The following CDH18 variants were observed in gnomAD, a reference collection of about 807,000 sequenced individuals.
The protein encoded by CDH18 is cadherin 18.
In CDH18, 31 loss-of-function variants were observed where a neutral mutation model predicts 67.9. The observed-to-expected ratio is 0.46, with a 90% CI of 0.34 to 0.62. The LOEUF (loss-of-function observed/expected upper bound fraction) is 0.62, where lower values mean the gene tolerates loss of function less well. CDH18 is among the 20% of genes least tolerant of loss of function. The probability of loss-of-function intolerance (pLI) is 0.01; values close to 1 mark genes in which losing one functional copy is unlikely to be tolerated. For missense variants in CDH18, 890 were observed against 975.5 expected (o/e 0.91, Z 1.17); for synonymous variants, 362 against 347.2 (o/e 1.04, Z -0.48).
At chr5:20,002,793 G>A (rs1736556252) in intron 2 of CDH18, among the ~76,000 whole-genome samples, 1 of 152,100 alleles carries the variant, frequency 6.6e-6, no homozygotes, top group Non-Finnish European at 1.5e-5. Flanking sequence ...GGGATCTGCT[G>A]CCATCCACAA....
intron 2 of CDH18, among the ~76,000 whole-genome samples, chr5:20,116,088 C>T (rs1747885068): frequency 6.6e-6 from 1 of 152,126 alleles, no homozygotes; most frequent in South Asian, 2.1e-4. Context: ...AATGATGTGT[C>T]TGCTTTAAAC....
At chr5:19,743,264 G>T (rs1769472970) in intron 4 of CDH18, among the ~76,000 whole-genome samples, 1 of 152,102 alleles carries the variant, frequency 6.6e-6, no homozygotes, top group Non-Finnish European at 1.5e-5. Context: ...AGTCCAGTAG[G>T]GCTGGCAGAA....
chr5:19,598,733 T>C (rs529080110), intron 6 of CDH18, among the ~76,000 whole-genome samples: 2 of 152,264 alleles, frequency 1.3e-5, no homozygotes, highest in East Asian at 3.9e-4. Context: ...AATAATTATG[T>C]TTAGTATTAA....
intron 1 of CDH18, among the ~76,000 whole-genome samples, chr5:20,333,532 C>CAA (rs1189073367): frequency 2.1e-5 from 3 of 139,780 alleles, no homozygotes; most frequent in Non-Finnish European, 4.7e-5. Context: ...TATATATACA[C>CAA]ACACACACAC....
intron 2 of CDH18, among the ~76,000 whole-genome samples, chr5:20,136,868 G>T (rs190709263): frequency 3.5e-3 from 532 of 152,240 alleles, no homozygotes; most frequent in Non-Finnish European, 5.5e-3. Context: ...GGTTGGATAC[G>T]AAATTCAGGG....
At chr5:20,480,107 A>G (rs1752688920) in intron 1 of CDH18, among the ~76,000 whole-genome samples, 1 of 152,198 alleles carries the variant, frequency 6.6e-6, no homozygotes, top group Admixed American at 6.5e-5. Flanking sequence ...TGTCATCAAC[A>G]CGAGATCTGT....
intron 9 of CDH18, among the ~76,000 whole-genome samples, chr5:19,530,650 T>G (rs1748450429): frequency 1.3e-5 from 2 of 152,136 alleles, no homozygotes; most frequent in African/African-American, 4.8e-5. Flanking sequence ...GTTCTCATTG[T>G]TCAATTCCCA....
At chr5:20,375,198 C>G (rs1356742047) in intron 1 of CDH18, among the ~76,000 whole-genome samples, 1 of 152,132 alleles carries the variant, frequency 6.6e-6, no homozygotes, top group Non-Finnish European at 1.5e-5. Flanking sequence ...TAAGCCAACA[C>G]ATTTCTTTTA....
chr5:20,182,658 G>C (rs1304067456), intron 2 of CDH18, among the ~76,000 whole-genome samples: 1 of 151,354 alleles, frequency 6.6e-6, no homozygotes, highest in Non-Finnish European at 1.5e-5. Flanking sequence ...AGTTATGAGG[G>C]GGTCCAACCT....
intron 1 of CDH18, among the ~76,000 whole-genome samples, chr5:20,446,636 G>A (rs775045264): frequency 1.8e-4 from 28 of 152,122 alleles, no homozygotes; most frequent in African/African-American, 6.3e-4. Context: ...GCAGACTCCC[G>A]TTATCTAGAA....
chr5:20,345,077 C>T (rs1354437719), intron 1 of CDH18, among the ~76,000 whole-genome samples: 1 of 152,280 alleles, frequency 6.6e-6, no homozygotes, highest in Non-Finnish European at 1.5e-5. Flanking sequence ...ATTATCTCCA[C>T]TTTTCCTCTC....
At chr5:19,748,112 CA>C (rs766955714) in intron 3 of CDH18, among the ~76,000 whole-genome samples, 243 of 14,834 alleles carry the variant, frequency 0.016, 3 homozygotes, top group African/African-American at 0.042. Flanking sequence ...GACTCCATCT[CA>C]AAAAAAAAAA....
chr5:20,404,380 C>G (rs954135446), intron 1 of CDH18, among the ~76,000 whole-genome samples: 4 of 152,170 alleles, frequency 2.6e-5, no homozygotes, highest in Non-Finnish European at 4.4e-5. Flanking sequence ...TCTGTCTTGT[C>G]CTTTGGCATG....
At chr5:19,649,451 A>G (rs1005515265) in intron 5 of CDH18, among the ~76,000 whole-genome samples, 2 of 152,060 alleles carry the variant, frequency 1.3e-5, no homozygotes, top group African/African-American at 4.8e-5. Context: ...CTTTGCATCT[A>G]TTTAAGAAAT....
At chr5:19,561,872 T>C (rs1284442106) in intron 8 of CDH18, among the ~76,000 whole-genome samples, 3 of 152,178 alleles carry the variant, frequency 2.0e-5, no homozygotes, top group African/African-American at 7.2e-5. Flanking sequence ...TCAAGTATCA[T>C]GTGTTTATGA....
chr5:20,114,763 G>C (rs1278242526), intron 2 of CDH18, among the ~76,000 whole-genome samples: 1 of 152,086 alleles, frequency 6.6e-6, no homozygotes, highest in Non-Finnish European at 1.5e-5. Flanking sequence ...AGAGTACTGA[G>C]ATCCAAGCAG....
rs1431421759 is a variant in CDH18 at position 20,354,301 on chromosome 5, A to AT, written c.-579-98797dup. Among the ~76,000 whole-genome samples, 25 of 152,202 alleles carry AT rather than the reference A, an allele frequency of 1.6e-4. 1 individual carries two copies. Among genetic ancestry groups the AT allele is most frequent in the Admixed American group, 4.6e-4 (7 of 15,276 alleles). On this transcript the variant is annotated intron_variant, in intron 1 of 14. Transcript: ENST00000507958. Reference sequence around the variant, plus strand: ...TGAGGGAATCCTCCTTACTTGAAACATTTTTTAACATACGTTAAATTTAGC... The same window carrying AT: ...TGAGGGAATCCTCCTTACTTGAAACATTTTTTTAACATACGTTAAATTTAGC...
chr5:20,361,232 A>C lies in CDH18; in HGVS notation c.-579-105727T>G, dbSNP rs186520449. On this transcript the variant is annotated intron_variant, in intron 1 of 14. Transcript: ENST00000507958. ...AAATATGTTAGTAAGAAATCAAGGG[A>C]CTTACTACAAAACATTATGTGCTAA... 2.2e-3 allele frequency among the ~76,000 whole-genome samples: 342 copies of C among 152,120 alleles called. 1 individual carries two copies. The highest frequency in any genetic ancestry group is 3.1e-3 in the Admixed American group (48 of 15,262).
intron 1 of CDH18, among the ~76,000 whole-genome samples, chr5:20,509,567 C>T (rs1015255333): frequency 6.8e-4 from 26 of 38,284 alleles, no homozygotes; most frequent in East Asian, 9.3e-4. Context: ...CGTGCCACCA[C>T]GCCCAGTTTT....
Sources: allele counts gnomAD v4.1 joint callset (sites outside exome capture counted in the v4.1 genomes callset), GRCh38; gene constraint gnomAD v4.1.1; transcripts MANE v1.5; gene names NCBI Gene and HGNC (gene_info 2026-07-23, HGNC 2026-07-21).